Variants in ACSF3 observed in about 807,000 individuals in gnomAD.
The protein encoded by ACSF3 is acyl-CoA synthetase family member 3.
ACSF3 carries 78 observed loss-of-function variants against 53.2 expected under a neutral mutation model. The ratio of observed to expected loss-of-function variants is 1.47; its 90% CI spans 1.22 to 1.77. The LOEUF is 1.77. ACSF3 is among the 40% of genes most tolerant of loss of function. The pLI, the probability that ACSF3 is intolerant of heterozygous loss-of-function variation, is 0.00. For synonymous variants in ACSF3, 414 were observed against 333.1 expected, an observed-to-expected ratio of 1.24 and a Z score of -2.65; for missense variants, 937 against 771.1, an observed-to-expected ratio of 1.22 and a Z score of -2.55.
rs540105439 is a variant in ACSF3 at position 89,143,100 on chromosome 16, G to T, written c.1367-2167G>T. 1.4e-3 allele frequency among the ~76,000 whole-genome samples: 210 copies of T among 152,142 alleles called. 6 individuals carry two copies. The highest frequency in any genetic ancestry group is 2.5e-4 in the Non-Finnish European group (17 of 68,030). Reference sequence around the variant, plus strand: ...ATTTTAAAACTTATAAAAAAGATTCGCAGGAAATTAGAAATAACACACAGG... The same window carrying T: ...ATTTTAAAACTTATAAAAAAGATTCTCAGGAAATTAGAAATAACACACAGG... On this transcript the variant is annotated intron_variant, in intron 8 of 10. Transcript: ENST00000614302.
intron 5 of ACSF3, among the ~76,000 whole-genome samples, chr16:89,112,513 A>ATCTCTCTCTGTCTCTCTTTGTC (rs1904297492): frequency 6.7e-6 from 1 of 149,976 alleles, no homozygotes; most frequent in Non-Finnish European, 1.5e-5. Context: ...CTGTCTCTCT[A>ATCTCTCTCTGTCTCTCTTTGTC]TCTCTCTCTG....
intron 7 of ACSF3, among the ~76,000 whole-genome samples, chr16:89,128,365 A>G (rs1428236100): frequency 6.6e-6 from 1 of 151,790 alleles, no homozygotes; most frequent in South Asian, 2.1e-4. Context: ...GGTTCAAGCA[A>G]TTCTCCTGCC....
At chr16:89,135,600 C>G (rs1384159222) in intron 8 of ACSF3, among the ~76,000 whole-genome samples, 1 of 152,214 alleles carries the variant, frequency 6.6e-6, no homozygotes, top group African/African-American at 2.4e-5. Flanking sequence ...CCCAATTTAT[C>G]TTTTTTATAC....
intron 8 of ACSF3, among the ~76,000 whole-genome samples, chr16:89,142,520 C>A (rs559408356): frequency 2.4e-5 from 2 of 84,136 alleles, no homozygotes; most frequent in Admixed American, 2.1e-4. Context: ...CAGAGACATA[C>A]CCACACCTGC....
In ACSF3 at chr16:89,108,346, A is replaced by G. The variant is rs116683766; in HGVS notation, c.823-3746A>G. Among the ~76,000 whole-genome samples, 576 of 152,298 alleles carry G rather than the reference A, an allele frequency of 3.8e-3. 4 individuals carry two copies. Among genetic ancestry groups the G allele is most frequent in the African/African-American group, 0.013 (536 of 41,558 alleles). On this transcript the variant is annotated intron_variant, in intron 4 of 10. Coordinates refer to ENST00000614302, the MANE Select transcript of ACSF3 (RefSeq NM_001243279.3). ...TGCTTCCCCCAACTTGTTTCCCTTC[A>G]GCCTGGAGAACTTCTTTTCAATAGT... is the stretch of plus-strand genomic sequence containing the variant.
rs998576962 is a variant in ACSF3, at chr16:89,125,836, G to A, written c.1239+4923G>A. ...TATGTCTCTCCATTTACTTAGATCC[G>A]TGAACACGGTGTGTCTCTCCGTTTA... On this transcript the variant is annotated intron_variant, in intron 7 of 10. Transcript: ENST00000614302. Among the ~76,000 whole-genome samples, 4 of 152,318 alleles carry A rather than the reference G, an allele frequency of 2.6e-5. 1 individual carries two copies. The highest frequency in any genetic ancestry group is 4.8e-5 in the African/African-American group (2 of 41,572).
At chr16:89,127,747 C>A (rs991355500) in intron 7 of ACSF3, among the ~76,000 whole-genome samples, 10 of 152,144 alleles carry the variant, frequency 6.6e-5, no homozygotes, top group African/African-American at 2.4e-4. Context: ...TCTGTTGCAT[C>A]TTGGGTGATT....
intron 3 of ACSF3, 51 bp downstream of exon 3, chr16:89,101,398 G>T: frequency 6.5e-7 from 1 of 1,549,138 alleles, no homozygotes; most frequent in Admixed American, 2.0e-5. Context: ...CAGCACTCCG[G>T]GTGGGCTCCG....
intron 5 of ACSF3, among the ~76,000 whole-genome samples, 157 bp downstream of exon 5, chr16:89,112,403 TCTAA>T (rs1004518478): frequency 4.6e-5 from 7 of 152,136 alleles, no homozygotes; most frequent in African/African-American, 1.7e-4. Context: ...TCTCTACCTC[TCTAA>T]CTGTCTCTCT....
rs973965077 is a variant in ACSF3 at position 89,154,942 on chromosome 16, C to T, written c.*735C>T. On this transcript the variant is annotated 3_prime_UTR_variant, in exon 11 of 11. Coordinates refer to ENST00000614302, the MANE Select transcript of ACSF3 (RefSeq NM_001243279.3). Reference sequence around the variant, plus strand: ...GTCATCTCCACACCAGCCCCTCAGCCGGTGAACCCTCTCTCCCATCACCGT... The same window carrying T: ...GTCATCTCCACACCAGCCCCTCAGCTGGTGAACCCTCTCTCCCATCACCGT... 8.8e-6 allele frequency: 4 copies of T among 453,974 alleles called. No individual in the cohort carries two copies. The highest frequency in any genetic ancestry group is 1.4e-3 in the Middle Eastern group (2 of 1,448). 28.1% of individuals were successfully genotyped at this position (453,974 alleles called of 1,614,324 possible). A position where few individuals can be genotyped will look rare whatever the true frequency, so the allele number is the denominator to read the frequency against.
rs770424587 is a variant in ACSF3 at position 89,101,182 on chromosome 16, G to A, written c.501G>A (p.Leu167=). Residue 167 remains leucine, a synonymous_variant, in exon 3 of 11, where the codon CTG becomes CTA. Coordinates refer to ENST00000614302, the MANE Select transcript of ACSF3 (RefSeq NM_001243279.3). The part of the protein sequence containing the change: ...SPVVRKLGVP[L]LPLTPAIYTG... ...TGGTCAGGAAGCTGGGGGTCCCGCT[G>A]CTGCCGCTCACACCAGCCATCTACA... is the stretch of plus-strand genomic sequence containing the variant. The A allele has an allele frequency of 6.2e-7, 1 of 1,607,342 alleles. No individual in the cohort carries two copies. Among genetic ancestry groups the A allele is most frequent in the Admixed American group, 1.7e-5 (1 of 59,000 alleles).
In ACSF3 at chr16:89,155,960, C is replaced by G. The variant is rs905309076; in HGVS notation, c.*1753C>G. ...CAGAAACTGCAGAGAGCCTGGAGCT[C>G]GTTGACCACAAACTACAGAAAGCCT... On this transcript the variant is annotated 3_prime_UTR_variant, in exon 11 of 11. Transcript: ENST00000614302. The G allele has an allele frequency of 1.7e-5, 6 of 361,588 alleles. No homozygotes were observed. The highest frequency in any genetic ancestry group is 1.1e-4 in the Admixed American group (3 of 26,742). 22.4% of individuals were successfully genotyped at this position (361,588 alleles called of 1,614,324 possible).
chr16:89,149,702 G>A (rs559437452), intron 10 of ACSF3: 7 of 152,374 alleles, frequency 4.6e-5, no homozygotes, highest in African/African-American at 1.4e-4. Flanking sequence ...CCCAGAGTTG[G>A]GTGTGGCTGG....
rs577763495 is a variant in ACSF3, at chr16:89,145,933, C to A, written c.1502-5C>A. 4 of 1,612,636 alleles carry A rather than the reference C, an allele frequency of 2.5e-6. No individual in the cohort carries two copies. The highest frequency in any genetic ancestry group is 3.4e-6 in the Non-Finnish European group (4 of 1,178,762). ...CATGTTCTCAAACTGTTCTTCTATC[C>A]GCAGATGTGGCTGTGATTGGAGTTC... On this transcript the variant is annotated splice_polypyrimidine_tract_variant and splice_region_variant and intron_variant, in intron 9 of 10. Coordinates refer to ENST00000614302, the MANE Select transcript of ACSF3 (RefSeq NM_001243279.3).
chr16:89,118,002 A>G (rs1397930064), intron 6 of ACSF3, among the ~76,000 whole-genome samples: 1 of 110,944 alleles, frequency 9.0e-6, no homozygotes, highest in African/African-American at 3.5e-5. Context: ...GGCAGAGCCC[A>G]CAGCAGGTTC....
Position 89,154,897 on chromosome 16 carries a change from C to T in ACSF3, c.*690C>T, listed in dbSNP as rs1417947371. The stretch of plus-strand genomic sequence containing the variant: ...CTCTGCCGTGACCCTGCCTCACCCC[C>T]CAGCGCAGGGACTTTCCAGGTCATC... On this transcript the variant is annotated 3_prime_UTR_variant, in exon 11 of 11. Transcript: ENST00000614302. 1 of 454,000 alleles carries T rather than the reference C, an allele frequency of 2.2e-6. No individual in the cohort carries two copies. Among genetic ancestry groups the T allele is most frequent in the Non-Finnish European group, 4.4e-6 (1 of 226,820 alleles). 28.1% of individuals were successfully genotyped at this position (454,000 alleles called of 1,614,324 possible).
chr16:89,120,758 C>T (rs1007289489), intron 6 of ACSF3, 43 bp from the exon 7 acceptor site: 1 of 1,582,382 alleles, frequency 6.3e-7, no homozygotes. Flanking sequence ...CTCCAGGTTC[C>T]TCTCACTCCA....
chr16:89,112,287 A>G, intron 5 of ACSF3, 41 bp downstream of exon 5: 3 of 1,608,574 alleles, frequency 1.9e-6, no homozygotes, highest in Non-Finnish European at 2.6e-6. Context: ...GAAAGTCTTA[A>G]AGATCAACAG....
intron 8 of ACSF3, among the ~76,000 whole-genome samples, chr16:89,141,912 C>G (rs772075510): frequency 6.6e-6 from 1 of 152,216 alleles, no homozygotes; most frequent in Admixed American, 6.5e-5. Flanking sequence ...GAATCATCCC[C>G]GAGACAGGCG....
Sources: gnomAD v4.1 joint callset for allele counts (sites outside exome capture counted in the v4.1 genomes callset) on GRCh38, gnomAD v4.1.1 for gene constraint, MANE v1.5 for transcripts, NCBI Gene and HGNC (gene_info 2026-07-23, HGNC 2026-07-21) for gene names.